FMN1: variants seen among roughly 807,000 people sequenced by gnomAD.
FMN1 encodes the protein formin 1.
FMN1 carries 110 observed loss-of-function variants against 132.4 expected under a neutral mutation model. The observed-to-expected ratio is 0.83, with a 90% confidence interval of 0.71 to 0.97. The LOEUF is 0.97. Among genes scored for constraint, FMN1 ranks in the 50% least tolerant of loss-of-function variants. The pLI is 0.00. For synonymous variants in FMN1, 722 were observed against 651.7 expected (o/e 1.11, Z -1.64); for missense variants, 1,792 against 1,705.3 (o/e 1.05, Z -0.90).
At chr15:32,843,194 T>C (rs1452997785) in intron 17 of FMN1, among the ~76,000 whole-genome samples, 1 of 143,516 alleles carries the variant, frequency 7.0e-6, no homozygotes, top group Middle Eastern at 3.4e-3. Flanking sequence ...TGTGCAATTC[T>C]AAAGCCAGCC....
chr15:32,940,655 T>G (rs2061382283), intron 9 of FMN1, among the ~76,000 whole-genome samples: 1 of 152,184 alleles, frequency 6.6e-6, no homozygotes, highest in Admixed American at 6.5e-5. Context: ...CCCAAAAGAA[T>G]GTTACATCCA....
intron 4 of FMN1, among the ~76,000 whole-genome samples, chr15:33,119,235 G>C (rs1488165573): frequency 6.6e-6 from 1 of 152,158 alleles, no homozygotes; most frequent in Non-Finnish European, 1.5e-5. Context: ...ACAGGCTTCT[G>C]TTTTCAAGCT....
chr15:32,816,100 T>A (rs1262902724), intron 17 of FMN1, among the ~76,000 whole-genome samples: 1 of 152,238 alleles, frequency 6.6e-6, no homozygotes, highest in Non-Finnish European at 1.5e-5. Flanking sequence ...TAATTCTTTG[T>A]AATCCAGTGA....
At chr15:32,988,059 T>TTTTC (rs1351839062) in intron 7 of FMN1, among the ~76,000 whole-genome samples, 1 of 150,188 alleles carries the variant, frequency 6.7e-6, no homozygotes, top group Non-Finnish European at 1.5e-5. Context: ...GTTTTTTTTT[T>TTTTC]TTTTTTTTTT....
At chr15:33,082,050 TGTG>T (rs777036282) in intron 5 of FMN1, among the ~76,000 whole-genome samples, 2,728 of 139,324 alleles carry the variant, frequency 0.02, 32 homozygotes, top group Non-Finnish European at 0.03. Context: ...TGTGTGTGTG[TGTG>T]TAAGACGGAG....
intron 5 of FMN1, among the ~76,000 whole-genome samples, chr15:33,083,303 C>A (rs942073869): frequency 2.0e-5 from 3 of 152,080 alleles, no homozygotes; most frequent in Admixed American, 6.5e-5. Context: ...TGAAACAGCT[C>A]AGAAACAATA....
intron 17 of FMN1, among the ~76,000 whole-genome samples, chr15:32,812,759 A>C (rs1567208772): frequency 6.6e-6 from 1 of 152,256 alleles, no homozygotes; most frequent in Non-Finnish European, 1.5e-5. Context: ...TATTCGTAAA[A>C]TATCTTATTG....
chr15:33,031,802 G>C (rs2035949806), intron 6 of FMN1, among the ~76,000 whole-genome samples: 2 of 152,300 alleles, frequency 1.3e-5, no homozygotes, highest in South Asian at 4.2e-4. Flanking sequence ...AGATGTCACA[G>C]AAATAGGAAG....
chr15:33,120,622 T>TTGTC (rs67932448), intron 4 of FMN1, among the ~76,000 whole-genome samples: 1 of 2,416 alleles, frequency 4.1e-4, no homozygotes, highest in African/African-American at 1.8e-3. Flanking sequence ...GTTCGGCAGC[T>TTGTC]TTTGTTGTCT....
intron 7 of FMN1, among the ~76,000 whole-genome samples, chr15:32,998,784 C>T (rs2033925879): frequency 6.6e-6 from 1 of 152,204 alleles, no homozygotes; most frequent in South Asian, 2.1e-4. Flanking sequence ...TGATTGAAGG[C>T]TGATGGTGCA....
At chr15:33,050,735 A>G (rs1359888340) in intron 6 of FMN1, among the ~76,000 whole-genome samples, 1 of 152,250 alleles carries the variant, frequency 6.6e-6, no homozygotes, top group Non-Finnish European at 1.5e-5. Flanking sequence ...AGGTACTCAC[A>G]GGTATGCATA....
intron 6 of FMN1, among the ~76,000 whole-genome samples, chr15:33,016,903 G>A (rs540582834): frequency 6.6e-6 from 1 of 152,160 alleles, no homozygotes; most frequent in Non-Finnish European, 1.5e-5. Context: ...CCCCAAGCCA[G>A]TTTTCTACAC....
chr15:33,062,475 A>T (rs2037531033), intron 6 of FMN1, among the ~76,000 whole-genome samples: 1 of 152,096 alleles, frequency 6.6e-6, no homozygotes, highest in Admixed American at 6.5e-5. Flanking sequence ...CAAAAAAAAT[A>T]GTCGGGCATG....
chr15:32,811,889 C>T (rs537190019), intron 17 of FMN1, among the ~76,000 whole-genome samples: 49 of 152,196 alleles, frequency 3.2e-4, no homozygotes, highest in Non-Finnish European at 6.0e-4. Flanking sequence ...CTCAAGTGAT[C>T]CACCCACCTC....
chr15:32,923,558 C>T (rs181373709), intron 10 of FMN1, among the ~76,000 whole-genome samples: 5 of 152,306 alleles, frequency 3.3e-5, no homozygotes, highest in African/African-American at 1.2e-4. Context: ...CAATAAAGTT[C>T]CCACAAGGAC....
At chr15:32,824,399 T>C (rs988445323) in intron 17 of FMN1, among the ~76,000 whole-genome samples, 19 of 152,012 alleles carry the variant, frequency 1.2e-4, no homozygotes, top group African/African-American at 4.1e-4. Flanking sequence ...TGCTTTAGAG[T>C]TTTTTGAACA....
At chr15:33,172,076 C>T (rs1466913588) in intron 3 of FMN1, among the ~76,000 whole-genome samples, 12 of 151,984 alleles carry the variant, frequency 7.9e-5, no homozygotes, top group Admixed American at 1.3e-4. Context: ...GGCGTGGTGG[C>T]GGGCGCCTGT....
Position 32,823,365 on chromosome 15 carries a change from G to C in FMN1, c.3929-19033C>G, listed in dbSNP as rs185101364. ...ATTTTTAGTAGAGACAGGGTTTCACGGTGTTAGCCAGGAAGGTCTCGATCT... is the reference window on the plus strand; with the variant it reads ...ATTTTTAGTAGAGACAGGGTTTCACCGTGTTAGCCAGGAAGGTCTCGATCT... On this transcript the variant is annotated intron_variant, in intron 17 of 20. Transcript: ENST00000616417. 7.3e-4 allele frequency among the ~76,000 whole-genome samples: 110 copies of C among 151,476 alleles called. 3 individuals carry two copies. The highest frequency in any genetic ancestry group is 2.7e-3 in the East Asian group (14 of 5,154).
At chr15:33,121,689 CA>C (rs1824723903) in intron 4 of FMN1, among the ~76,000 whole-genome samples, 4 of 152,048 alleles carry the variant, frequency 2.6e-5, no homozygotes, top group African/African-American at 9.7e-5. Flanking sequence ...CCACCATGCC[CA>C]GCTTCTTTTT....
Sources: allele counts gnomAD v4.1 joint callset (sites outside exome capture counted in the v4.1 genomes callset), GRCh38; gene constraint gnomAD v4.1.1; transcripts MANE v1.5; gene names NCBI Gene and HGNC (gene_info 2026-07-23, HGNC 2026-07-21).